Variants in RERE observed in about 807,000 individuals in gnomAD.
The protein encoded by RERE is arginine-glutamic acid dipeptide repeats, also known as arginine-glutamic acid dipeptide repeats protein.
A neutral mutation model predicts 146.1 loss-of-function variants in RERE; 40 were observed. The observed-to-expected ratio is 0.27, with a 90% CI of 0.21 to 0.36. The LOEUF is 0.36. RERE is among the 10% of genes least tolerant of loss of function. The probability of loss-of-function intolerance (pLI) is 1.00; values close to 1 mark genes in which losing one functional copy is unlikely to be tolerated. For synonymous variants in RERE, 1,003 were observed against 866.0 expected, an observed-to-expected ratio of 1.16 and a Z score of -2.78; for missense variants, 1,933 against 2,138.7, an observed-to-expected ratio of 0.90 and a Z score of 1.90.
chr1:8,727,020 G>C (rs942398535), intron 1 of RERE, among the ~76,000 whole-genome samples: 1 of 152,104 alleles, frequency 6.6e-6, no homozygotes, highest in Non-Finnish European at 1.5e-5. Context: ...TGGCCAGGCT[G>C]GTCTCAAACT....
At chr1:8,788,111 C>G (rs899629114) in intron 1 of RERE, among the ~76,000 whole-genome samples, 1 of 151,326 alleles carries the variant, frequency 6.6e-6, no homozygotes, top group African/African-American at 2.4e-5. Flanking sequence ...AAAATAAAAG[C>G]ATTAAAAAGA....
chr1:8,543,307 T>C (rs908472503), intron 6 of RERE, among the ~76,000 whole-genome samples: 3 of 152,122 alleles, frequency 2.0e-5, no homozygotes, highest in Admixed American at 6.5e-5. Context: ...AAACCACTCA[T>C]CCATACAAGG....
At chr1:8,786,735 T>G in intron 1 of RERE, 1 of 781,224 alleles carries the variant, frequency 1.3e-6, no homozygotes, top group South Asian at 1.3e-5. Flanking sequence ...CCATTCGAAT[T>G]TCAGTTCTGT....
chr1:8,416,855 G>A (rs1231544169), intron 12 of RERE, among the ~76,000 whole-genome samples: 2 of 152,148 alleles, frequency 1.3e-5, no homozygotes, highest in East Asian at 3.8e-4. Flanking sequence ...ATCCTCTGGG[G>A]GGTCCGTTAA....
At chr1:8,497,372 T>A (rs766176538) in intron 9 of RERE, 33 bp downstream of exon 9, 2 of 1,613,332 alleles carry the variant, frequency 1.2e-6, no homozygotes, top group African/African-American at 2.7e-5. Context: ...ATGGTCTAAT[T>A]CAGAAAGCAG....
intron 10 of RERE, among the ~76,000 whole-genome samples, chr1:8,481,143 G>T (rs1261077523): frequency 1.3e-5 from 2 of 151,998 alleles, no homozygotes; most frequent in African/African-American, 2.4e-5. Flanking sequence ...TCTGAGACGG[G>T]GTCTCGCTCT....
chr1:8,751,494 A>G (rs1042933884), intron 1 of RERE, among the ~76,000 whole-genome samples: 3 of 152,122 alleles, frequency 2.0e-5, no homozygotes, highest in Non-Finnish European at 2.9e-5. Flanking sequence ...AGCAAATTCC[A>G]TTTCTTCCAG....
chr1:8,575,550 TATA>T (rs1557693749), intron 4 of RERE, among the ~76,000 whole-genome samples: 1 of 67,574 alleles, frequency 1.5e-5, no homozygotes. Flanking sequence ...TATATATATA[TATA>T]TATATATATT....
At chr1:8,735,796 C>A (rs754712336) in intron 1 of RERE, among the ~76,000 whole-genome samples, 12 of 152,166 alleles carry the variant, frequency 7.9e-5, no homozygotes, top group Non-Finnish European at 1.8e-4. Context: ...TGTGAAGATG[C>A]CTGCTCCAGC....
chr1:8,605,440 TTAC>T (rs1350359304), intron 4 of RERE, among the ~76,000 whole-genome samples: 2 of 152,012 alleles, frequency 1.3e-5, no homozygotes, highest in African/African-American at 4.8e-5. Flanking sequence ...CCTTCCCAAC[TTAC>T]TTTAAGAGGT....
At chr1:8,630,032 C>T (rs748546506) in intron 2 of RERE, among the ~76,000 whole-genome samples, 1 of 152,134 alleles carries the variant, frequency 6.6e-6, no homozygotes, top group Non-Finnish European at 1.5e-5. Flanking sequence ...TACATGACTC[C>T]TCCACCCTCA....
At chr1:8,697,876 A>G (rs550301615) in intron 1 of RERE, among the ~76,000 whole-genome samples, 2 of 152,350 alleles carry the variant, frequency 1.3e-5, no homozygotes, top group Admixed American at 6.5e-5. Context: ...AATAGAAAAA[A>G]AAAGTTCATA....
At chr1:8,573,557 T>C (rs1182976533) in intron 4 of RERE, among the ~76,000 whole-genome samples, 1 of 152,164 alleles carries the variant, frequency 6.6e-6, no homozygotes, top group East Asian at 1.9e-4. Context: ...TAGTAGACAT[T>C]TGGGTCATTT....
chr1:8,678,215 T>G (rs1366606298), intron 1 of RERE, among the ~76,000 whole-genome samples: 2 of 152,224 alleles, frequency 1.3e-5, no homozygotes, highest in Non-Finnish European at 2.9e-5. Flanking sequence ...GATTTCATTT[T>G]TCATTATTCA....
rs1008394977 is a variant in RERE, at chr1:8,530,752, C to T, written c.830+10462G>A. Reference sequence around the variant, plus strand: ...CAGGCCGGACTGCGGACTGCAGTGGCGCAATCTCGGCTCACTGCAAGCTCC... The same window carrying T: ...CAGGCCGGACTGCGGACTGCAGTGGTGCAATCTCGGCTCACTGCAAGCTCC... On this transcript the variant is annotated intron_variant, in intron 7 of 22. Transcript: ENST00000400908. Among the ~76,000 whole-genome samples the T allele has an allele frequency of 3.8e-5, 5 of 132,532 alleles. No homozygotes were observed. The East Asian group carries it at 8.8e-4, about 23-fold the overall frequency. The allele number at this position is 132,532 out of a possible 152,430, so 86.9% of individuals were successfully genotyped here.
chr1:8,717,113 A>T (rs1639779810), intron 1 of RERE, among the ~76,000 whole-genome samples: 1 of 152,268 alleles, frequency 6.6e-6, no homozygotes, highest in Non-Finnish European at 1.5e-5. Flanking sequence ...GCAGTAGGTG[A>T]AAGTACAAAT....
chr1:8,398,734 C>T (rs75061776), intron 12 of RERE, among the ~76,000 whole-genome samples: 3,693 of 152,178 alleles, frequency 0.024, 139 homozygotes, highest in African/African-American at 0.084. Flanking sequence ...CTCTGATGAC[C>T]AGTTGGGTAT....
intron 4 of RERE, among the ~76,000 whole-genome samples, chr1:8,581,898 T>C (rs146848882): frequency 5.9e-5 from 9 of 152,282 alleles, no homozygotes; most frequent in Admixed American, 2.0e-4. Flanking sequence ...AATAGGTACA[T>C]AGAGATTTTT....
chr1:8,567,099 T>C (rs577323082), intron 4 of RERE, among the ~76,000 whole-genome samples: 22 of 152,210 alleles, frequency 1.4e-4, no homozygotes, highest in African/African-American at 5.3e-4. Context: ...AGAACTAGCA[T>C]AATGAATTTT....
Sources: allele counts gnomAD v4.1 joint callset (sites outside exome capture counted in the v4.1 genomes callset), GRCh38; gene constraint gnomAD v4.1.1; transcripts MANE v1.5; gene names NCBI Gene and HGNC (gene_info 2026-07-23, HGNC 2026-07-21).